The following SHISA9 variants were observed in gnomAD, a reference collection of about 807,000 sequenced individuals.
The protein encoded by SHISA9 is protein shisa-9.
SHISA9 carries 13 observed loss-of-function variants against 38.0 expected under a neutral mutation model. That is an observed-to-expected ratio of 0.34 (90% CI 0.22 to 0.54). The LOEUF (loss-of-function observed/expected upper bound fraction) is 0.54. Ranked by LOEUF, SHISA9 falls within the 20% of genes least tolerant of loss-of-function variation. SHISA9 has a pLI of 0.91. For missense variants in SHISA9, 538 were observed against 575.8 expected (o/e 0.93, Z 0.67); for synonymous variants, 275 against 242.0 (o/e 1.14, Z -1.27).
In SHISA9 at chr16:13,187,338, T is replaced by TC. The variant is rs1567239853; in HGVS notation, c.692-16056_692-16055insC. On this transcript the variant is annotated intron_variant, in intron 2 of 4. Coordinates refer to ENST00000558583, the MANE Select transcript of SHISA9 (RefSeq NM_001145204.3). ...CTTTTCTTTTCTTTTCTTTTTTTTT[T>TC]TTTTTTTTTTTTTTGAGGCAGAGTC... Among the ~76,000 whole-genome samples, 10 of 49,236 alleles carry TC rather than the reference T, an allele frequency of 2.0e-4. 1 individual carries two copies. The highest frequency in any genetic ancestry group is 4.6e-4 in the Admixed American group (2 of 4,330). 32.3% of individuals were successfully genotyped at this position (49,236 alleles called of 152,430 possible).
chr16:13,216,484 T>C (rs1338567248), intron 4 of SHISA9, among the ~76,000 whole-genome samples: 2 of 152,222 alleles, frequency 1.3e-5, no homozygotes, highest in African/African-American at 4.8e-5. Context: ...AATTAAAGGC[T>C]CTGAAAAGCC....
At chr16:13,176,893 C>A (rs547373740) in intron 2 of SHISA9, among the ~76,000 whole-genome samples, 1 of 152,146 alleles carries the variant, frequency 6.6e-6, no homozygotes. Flanking sequence ...AATAATGAAG[C>A]CATGATGCTG....
At chr16:13,312,155 C>G in the SHISA9 span, among the ~76,000 whole-genome samples, 1 of 152,168 alleles carries the variant, frequency 6.6e-6, no homozygotes, top group Non-Finnish European at 1.5e-5. Flanking sequence ...ATATTTTAGG[C>G]TTTATGGGTC....
the SHISA9 span, among the ~76,000 whole-genome samples, chr16:13,358,103 A>G: frequency 1.5e-4 from 23 of 152,006 alleles, no homozygotes; most frequent in Non-Finnish European, 2.6e-4. Flanking sequence ...GAAAAGAGAG[A>G]ATCTTCCTTC....
chr16:13,286,668 G>A, the SHISA9 span, among the ~76,000 whole-genome samples: 1 of 152,138 alleles, frequency 6.6e-6, no homozygotes, highest in Non-Finnish European at 1.5e-5. Context: ...TATCACTAGA[G>A]GATAATCACT....
chr16:13,458,713 A>T, the SHISA9 span: 1 of 238,772 alleles, frequency 4.2e-6, no homozygotes, highest in Non-Finnish European at 8.4e-6. Context: ...AAAATTTATA[A>T]AACTCAAATA....
chr16:13,414,940 A>G, the SHISA9 span, among the ~76,000 whole-genome samples: 1 of 152,108 alleles, frequency 6.6e-6, no homozygotes, highest in African/African-American at 2.4e-5. Context: ...GCCAGGAACA[A>G]GATTTATAGA....
At chr16:12,979,302 GTT>G (rs768023707) in intron 2 of SHISA9, among the ~76,000 whole-genome samples, 10 of 143,176 alleles carry the variant, frequency 7.0e-5, no homozygotes, top group Admixed American at 1.4e-4. Context: ...TGGTGCTGAA[GTT>G]TTTTTTTTTT....
intron 1 of SHISA9, 103 bp downstream of exon 1, chr16:12,902,730 C>G (rs2071036339): frequency 8.3e-7 from 1 of 1,211,592 alleles, no homozygotes; most frequent in South Asian, 1.6e-5. Context: ...CCCCGCTCCC[C>G]GCATCCCAGC....
chr16:13,000,566 T>A (rs2072510963), intron 2 of SHISA9, among the ~76,000 whole-genome samples: 1 of 152,100 alleles, frequency 6.6e-6, no homozygotes, highest in Non-Finnish European at 1.5e-5. Context: ...ACAAGGTGGC[T>A]CCAATGGCCC....
the SHISA9 span, among the ~76,000 whole-genome samples, chr16:13,480,284 G>A: frequency 6.6e-6 from 1 of 152,172 alleles, no homozygotes; most frequent in Non-Finnish European, 1.5e-5. Context: ...GGCATGTGGA[G>A]TGACATCATG....
In SHISA9 at chr16:13,140,178, T is replaced by C. The variant is rs1308932478; in HGVS notation, c.692-63216T>C. Among the ~76,000 whole-genome samples the C allele has an allele frequency of 2.7e-3, 273 of 99,914 alleles. 5 individuals are homozygous for C. The highest frequency in any genetic ancestry group is 8.5e-3 in the African/African-American group (208 of 24,464). 65.5% of individuals were successfully genotyped at this position (99,914 alleles called of 152,430 possible). Reference sequence around the variant, plus strand: ...CCCCTCCCCTCCCCTCCCCTCCCCTTCCCTTCCCTTTCTTTTTAGACAGAG... The same window carrying C: ...CCCCTCCCCTCCCCTCCCCTCCCCTCCCCTTCCCTTTCTTTTTAGACAGAG... On this transcript the variant is annotated intron_variant, in intron 2 of 4. Coordinates refer to ENST00000558583, the MANE Select transcript of SHISA9 (RefSeq NM_001145204.3).
At chr16:12,965,338 T>G (rs2141798985) in intron 2 of SHISA9, among the ~76,000 whole-genome samples, 1 of 152,348 alleles carries the variant, frequency 6.6e-6, no homozygotes, top group South Asian at 2.1e-4. Flanking sequence ...CTATCACCAC[T>G]GCCTAATTCC....
At chr16:13,429,934 A>T in the SHISA9 span, among the ~76,000 whole-genome samples, 2 of 152,170 alleles carry the variant, frequency 1.3e-5, no homozygotes, top group African/African-American at 4.8e-5. Context: ...GAATGTGACT[A>T]TATTAGGAGA....
chr16:13,226,818 A>G (rs765903472), intron 4 of SHISA9, among the ~76,000 whole-genome samples: 1 of 152,168 alleles, frequency 6.6e-6, no homozygotes, highest in Non-Finnish European at 1.5e-5. Context: ...TGGGTTTCTC[A>G]TCCTCCAGGA....
the SHISA9 span, among the ~76,000 whole-genome samples, chr16:13,531,402 T>A: frequency 6.6e-6 from 1 of 152,154 alleles, no homozygotes; most frequent in African/African-American, 2.4e-5. Flanking sequence ...CTTACCATAT[T>A]TAAATTATTT....
the SHISA9 span, among the ~76,000 whole-genome samples, chr16:13,255,818 G>A: frequency 2.0e-5 from 3 of 152,354 alleles, no homozygotes; most frequent in East Asian, 1.9e-4. Context: ...AGTCTATGGG[G>A]AAGAGAGATG....
chr16:13,273,200 T>G, the SHISA9 span, among the ~76,000 whole-genome samples: 45 of 151,460 alleles, frequency 3.0e-4, 1 homozygote, highest in South Asian at 9.2e-3. Context: ...CTTACACCAA[T>G]GCAAAAAAAA....
chr16:13,123,841 C>A (rs1275357668), intron 2 of SHISA9, among the ~76,000 whole-genome samples: 1 of 152,196 alleles, frequency 6.6e-6, no homozygotes, highest in Non-Finnish European at 1.5e-5. Context: ...CATGTATGAG[C>A]TGTGGGAACT....
Sources: allele counts gnomAD v4.1 joint callset (sites outside exome capture counted in the v4.1 genomes callset), GRCh38; gene constraint gnomAD v4.1.1; transcripts MANE v1.5; gene names NCBI Gene and HGNC (gene_info 2026-07-23, HGNC 2026-07-21).